CNTN5: variants seen among roughly 807,000 people sequenced by gnomAD.
CNTN5 encodes contactin 5, also known as contactin-5.
Under a neutral mutation model 129.1 loss-of-function variants are expected in CNTN5, and 77 were observed. The observed-to-expected ratio is 0.60, with a 90% confidence interval of 0.50 to 0.72. The LOEUF is 0.72. Among genes scored for constraint, CNTN5 ranks in the 30% least tolerant of loss-of-function variants. The pLI is 0.00. For missense variants in CNTN5, 1,478 were observed against 1,328.8 expected, an observed-to-expected ratio of 1.11 and a Z score of -1.75; for synonymous variants, 509 against 465.6, an observed-to-expected ratio of 1.09 and a Z score of -1.20.
chr11:100,141,127 C>G (rs963966336), intron 13 of CNTN5, among the ~76,000 whole-genome samples: 2 of 151,828 alleles, frequency 1.3e-5, no homozygotes, highest in African/African-American at 4.8e-5. Flanking sequence ...CCATAGGGCA[C>G]GTGGTTGGGG....
chr11:99,490,340 T>A (rs1055952644), intron 2 of CNTN5, among the ~76,000 whole-genome samples: 12 of 152,204 alleles, frequency 7.9e-5, no homozygotes, highest in Non-Finnish European at 1.3e-4. Context: ...ATTCTGTAGT[T>A]TATTACATAA....
intron 10 of CNTN5, among the ~76,000 whole-genome samples, chr11:100,063,578 T>G (rs544209958): frequency 1.3e-5 from 2 of 152,080 alleles, no homozygotes; most frequent in African/African-American, 4.8e-5. Context: ...CCACTTTACA[T>G]CTGCTGCCCT....
At chr11:100,318,165 C>T (rs11223619) in intron 21 of CNTN5, among the ~76,000 whole-genome samples, 19,306 of 145,764 alleles carry the variant, frequency 0.13, 1,381 homozygotes, top group East Asian at 0.34. Context: ...GGCGTGAACC[C>T]GGGAGGCCGA....
At chr11:99,961,774 A>C (rs1950952839) in intron 8 of CNTN5, among the ~76,000 whole-genome samples, 1 of 152,178 alleles carries the variant, frequency 6.6e-6, no homozygotes, top group Non-Finnish European at 1.5e-5. Context: ...TCTAGTGCAA[A>C]ACTCTTATTC....
intron 2 of CNTN5, among the ~76,000 whole-genome samples, chr11:99,401,493 A>G (rs2136212290): frequency 6.6e-6 from 1 of 152,238 alleles, no homozygotes; most frequent in East Asian, 1.9e-4. Context: ...ATACCTCTGT[A>G]GTATAATTTG....
intron 3 of CNTN5, among the ~76,000 whole-genome samples, chr11:99,809,620 G>A (rs528557693): frequency 6.6e-6 from 1 of 152,036 alleles, no homozygotes; most frequent in East Asian, 1.9e-4. Context: ...CAGATTCTAT[G>A]TTCTACACGG....
At chr11:99,842,106 G>C (rs1363952378) in intron 4 of CNTN5, among the ~76,000 whole-genome samples, 3 of 151,856 alleles carry the variant, frequency 2.0e-5, no homozygotes, top group Non-Finnish European at 2.9e-5. Flanking sequence ...TGTTGGCCAG[G>C]CTTCTCTCAA....
intron 2 of CNTN5, among the ~76,000 whole-genome samples, chr11:99,501,227 G>A (rs1946416783): frequency 6.6e-6 from 1 of 152,082 alleles, no homozygotes; most frequent in Non-Finnish European, 1.5e-5. Flanking sequence ...TATTCTGCTG[G>A]AATTATAATT....
intron 2 of CNTN5, among the ~76,000 whole-genome samples, chr11:99,485,984 A>T (rs1448524450): frequency 6.6e-6 from 1 of 152,090 alleles, no homozygotes; most frequent in Non-Finnish European, 1.5e-5. Context: ...TACGCTTACA[A>T]TTAATATGAA....
chr11:99,408,448 G>GAAAGAGAAAGAA (rs71305322), intron 2 of CNTN5, among the ~76,000 whole-genome samples: 2,047 of 77,960 alleles, frequency 0.026, 40 homozygotes, highest in African/African-American at 0.065. Flanking sequence ...AAGAAAGAAA[G>GAAAGAGAAAGAA]AGAAAGAAAG....
At chr11:99,547,691 C>T (rs1304315619) in intron 2 of CNTN5, among the ~76,000 whole-genome samples, 1 of 152,112 alleles carries the variant, frequency 6.6e-6, no homozygotes, top group Non-Finnish European at 1.5e-5. Context: ...TTAACTTCAG[C>T]CACTTTCTCT....
At chr11:100,177,850 C>G (rs1391470745) in intron 13 of CNTN5, among the ~76,000 whole-genome samples, 2 of 152,020 alleles carry the variant, frequency 1.3e-5, no homozygotes, top group African/African-American at 4.8e-5. Flanking sequence ...ACCCAGATGA[C>G]GTCATATACT....
intron 1 of CNTN5, among the ~76,000 whole-genome samples, chr11:99,203,650 C>T (rs1185726866): frequency 1.3e-5 from 2 of 151,748 alleles, no homozygotes; most frequent in East Asian, 1.9e-4. Context: ...AGTGCAATGG[C>T]GTGATCTCGG....
At chr11:99,267,151 G>A (rs992595245) in intron 1 of CNTN5, among the ~76,000 whole-genome samples, 5 of 151,936 alleles carry the variant, frequency 3.3e-5, no homozygotes, top group African/African-American at 9.7e-5. Flanking sequence ...AGCTAGACAA[G>A]GATAGAAATA....
rs77870275 is a variant in CNTN5, at chr11:100,011,053, A to G, written c.980+8917A>G. Among the ~76,000 whole-genome samples the G allele has an allele frequency of 6.5e-3, 996 of 152,222 alleles. 12 individuals are homozygous for G. The highest frequency in any genetic ancestry group is 0.023 in the African/African-American group (954 of 41,552). On this transcript the variant is annotated intron_variant, in intron 9 of 24. Coordinates refer to ENST00000524871, the MANE Select transcript of CNTN5 (RefSeq NM_014361.4). The stretch of plus-strand genomic sequence containing the variant: ...GATGCAGCAGGTGCTGAATATGTAC[A>G]CTGAATGAATTCAGGTATGAGAAAT...
rs139158308 is a variant in CNTN5 at position 99,758,392 on chromosome 11, G to A, written c.56-61152G>A. Among the ~76,000 whole-genome samples the A allele has an allele frequency of 3.8e-3, 577 of 152,098 alleles. 1 individual carries two copies. Among genetic ancestry groups the A allele is most frequent in the South Asian group, 9.3e-3 (45 of 4,826 alleles). ...ACTTTATTTGTCAGACCAGACTAAC[G>A]TATAACATATAAAGCATTATTAGGA... On this transcript the variant is annotated intron_variant, in intron 3 of 24. Transcript: ENST00000524871.
chr11:99,440,331 A>G (rs1943776411), intron 2 of CNTN5, among the ~76,000 whole-genome samples: 1 of 152,116 alleles, frequency 6.6e-6, no homozygotes. Flanking sequence ...AATTATTACT[A>G]ACATTTAAAA....
chr11:99,952,672 C>A (rs1210258669), intron 7 of CNTN5, among the ~76,000 whole-genome samples: 1 of 152,088 alleles, frequency 6.6e-6, no homozygotes, highest in East Asian at 1.9e-4. Context: ...GCGGGGATTA[C>A]AGGCTTGGGC....
intron 2 of CNTN5, among the ~76,000 whole-genome samples, chr11:99,364,148 G>C (rs575910549): frequency 6.6e-6 from 1 of 151,860 alleles, no homozygotes; most frequent in East Asian, 1.9e-4. Context: ...AAGAGAAAAA[G>C]GTTTTTTATA....
Sources: allele counts gnomAD v4.1 joint callset (sites outside exome capture counted in the v4.1 genomes callset), GRCh38; gene constraint gnomAD v4.1.1; transcripts MANE v1.5; gene names NCBI Gene and HGNC (gene_info 2026-07-23, HGNC 2026-07-21).